The following SDHA variants were observed in gnomAD, a reference collection of about 807,000 sequenced individuals.
SDHA encodes the protein succinate dehydrogenase complex flavoprotein subunit A.
SDHA carries 48 observed loss-of-function variants against 78.4 expected under a neutral mutation model. The ratio of observed to expected loss-of-function variants is 0.61; its 90% CI spans 0.49 to 0.78. SDHA has a LOEUF of 0.78. SDHA is among the 30% of genes least tolerant of loss of function. The pLI is 0.00. For missense variants in SDHA, 680 were observed against 892.7 expected (o/e 0.76, Z 3.04); for synonymous variants, 326 against 353.9 (o/e 0.92, Z 0.88).
At chr5:267,043 A>T in the SDHA span, among the ~76,000 whole-genome samples, 1 of 152,212 alleles carries the variant, frequency 6.6e-6, no homozygotes, top group Non-Finnish European at 1.5e-5. Flanking sequence ...GCCAGCACTG[A>T]TGCAGACCTT....
intron 14 of SDHA, among the ~76,000 whole-genome samples, chr5:255,116 G>C (rs1439202430): frequency 2.3e-5 from 3 of 129,234 alleles, no homozygotes; most frequent in Admixed American, 1.6e-4. Context: ...AGCGTCCTGG[G>C]AACAGCCAGC....
At chr5:249,874 A>C (rs1736706056) in intron 11 of SDHA, 2 of 152,246 alleles carry the variant, frequency 1.3e-5, no homozygotes, top group African/African-American at 2.4e-5. Flanking sequence ...GAATAAACTG[A>C]AAAACTAACA....
chr5:240,476 G>A lies in SDHA; in HGVS notation c.1551G>A (p.Lys517=), dbSNP rs772822136. 1.9e-6 allele frequency: 3 copies of A among 1,590,428 alleles called. No individual in the cohort carries two copies. The highest frequency in any genetic ancestry group is 2.6e-6 in the Non-Finnish European group (3 of 1,160,488). The change falls in exon 11 of 15, where the codon AAG becomes AAA. Residue 517 remains lysine, a splice_region_variant and synonymous_variant. Coordinates refer to ENST00000264932, the MANE Select transcript of SDHA (RefSeq NM_004168.4). ...CGGAACTGCGACTCAGCATGCAGAA[G>A]GTAAGAGCCTGGACTCGCTCTGGAG... is the stretch of plus-strand genomic sequence containing the variant. The part of the protein sequence containing the change: ...RTSELRLSMQ[K]SMQNHAAVFR...
At chr5:232,489 G>A (rs1735473066) in intron 7 of SDHA, among the ~76,000 whole-genome samples, 1 of 152,144 alleles carries the variant, frequency 6.6e-6, no homozygotes, top group Admixed American at 6.5e-5. Context: ...TCAGGGTCCT[G>A]GGATTATAGC....
At chr5:261,006 T>A (rs1361101812), downstream of SDHA, among the ~76,000 whole-genome samples, 3 of 5,716 alleles carry the variant, frequency 5.2e-4, no homozygotes, top group Admixed American at 1.3e-3. Flanking sequence ...CCGCCTCCCG[T>A]CAGAGCATTA....
chr5:257,520 GT>G, downstream of SDHA, among the ~76,000 whole-genome samples: 2 of 40,820 alleles, frequency 4.9e-5, 1 homozygote, highest in Admixed American at 5.8e-4. Context: ...TCCGCCCCCT[GT>G]TGGAGCATTA....
At position 224,351 on chromosome 5, in the gene SDHA, C is replaced by T. The variant is rs1734881724; in HGVS notation, c.151-9C>T. 6.2e-7 allele frequency: 1 copy of T among 1,612,518 alleles called. No homozygotes were observed. Among genetic ancestry groups the T allele is most frequent in the African/African-American group, 1.3e-5 (1 of 74,884 alleles). On this transcript the variant is annotated splice_polypyrimidine_tract_variant and intron_variant, in intron 2 of 14. Transcript: ENST00000264932. The stretch of plus-strand genomic sequence containing the variant: ...ACATGTGATTGACAGGTGAATTTTT[C>T]TTTTCCAGATTTCTGCTCAGTATCC...
chr5:226,447 C>G (rs912106457), intron 5 of SDHA, among the ~76,000 whole-genome samples: 1 of 152,070 alleles, frequency 6.6e-6, no homozygotes, highest in Non-Finnish European at 1.5e-5. Flanking sequence ...GCCTGGACAA[C>G]ATAGCAAGAC....
At chr5:219,616 G>A (rs2126527729) in intron 1 of SDHA, among the ~76,000 whole-genome samples, 1 of 152,296 alleles carries the variant, frequency 6.6e-6, no homozygotes, top group Non-Finnish European at 1.5e-5. Context: ...GTGTTGCTGT[G>A]GTTGGTACTG....
chr5:226,149 C>G, intron 5 of SDHA, 102 bp downstream of exon 5: 6 of 1,338,898 alleles, frequency 4.5e-6, no homozygotes, highest in Non-Finnish European at 6.3e-6. Context: ...CCAGAGATTA[C>G]GTAAAAAGCA....
At chr5:246,817 G>A (rs1349369419) in intron 11 of SDHA, among the ~76,000 whole-genome samples, 1 of 152,198 alleles carries the variant, frequency 6.6e-6, no homozygotes, top group African/African-American at 2.4e-5. Context: ...GGATCAAATT[G>A]CTACTATGAT....
chr5:258,805 A>C (rs1342189492), downstream of SDHA, among the ~76,000 whole-genome samples: 3 of 84,012 alleles, frequency 3.6e-5, no homozygotes, highest in African/African-American at 8.2e-5. Context: ...GCCTCCCGTC[A>C]CAGCATTACC....
At position 256,536 on chromosome 5, in the gene SDHA, A is replaced by C; in HGVS notation, c.*116A>C. 1.0e-6 allele frequency: 1 copy of C among 952,980 alleles called. No homozygotes were observed. Among genetic ancestry groups the C allele is most frequent in the South Asian group, 1.4e-5 (1 of 73,974 alleles). 59.0% of individuals were successfully genotyped at this position (952,980 alleles called of 1,614,324 possible). ...TTCTGCACTCTGGGGAAGAAGGAGT[A>C]CATTGAAGGGAGATTGGCACCTAGT... is the stretch of plus-strand genomic sequence containing the variant. On this transcript the variant is annotated 3_prime_UTR_variant, in exon 15 of 15. Transcript: ENST00000264932.
intron 11 of SDHA, among the ~76,000 whole-genome samples, chr5:240,853 C>T (rs1396153655): frequency 1.3e-5 from 2 of 152,090 alleles, no homozygotes; most frequent in African/African-American, 4.8e-5. Flanking sequence ...GACATGATTG[C>T]GTTCTTTTTT....
intron 11 of SDHA, among the ~76,000 whole-genome samples, chr5:242,704 G>A (rs919435301): frequency 6.6e-6 from 1 of 152,178 alleles, no homozygotes; most frequent in Non-Finnish European, 1.5e-5. Context: ...TCACCGGAGC[G>A]ATGGAGAACA....
At chr5:225,784 G>A in intron 4 of SDHA, 99 bp from the exon 5 acceptor site, 2 of 1,504,948 alleles carry the variant, frequency 1.3e-6, no homozygotes, top group South Asian at 1.1e-5. Context: ...GTTACTTTGG[G>A]TTTGCAGATT....
chr5:252,906 GTCACCATT>G (rs1219660069), intron 13 of SDHA: 2 of 152,668 alleles, frequency 1.3e-5, no homozygotes, highest in Non-Finnish European at 2.9e-5. Flanking sequence ...TAATGAGTAA[GTCACCATT>G]TCAGACCTGC....
intron 1 of SDHA, among the ~76,000 whole-genome samples, chr5:222,350 C>CTTTT (rs750198454): frequency 7.4e-6 from 1 of 135,422 alleles, no homozygotes; most frequent in Non-Finnish European, 1.6e-5. Context: ...TTTTTCTTTT[C>CTTTT]TTTTTTTTTT....
the SDHA span, among the ~76,000 whole-genome samples, chr5:266,141 A>C: frequency 6.6e-6 from 1 of 152,272 alleles, no homozygotes; most frequent in Non-Finnish European, 1.5e-5. Context: ...CACAGCTGAC[A>C]TGTAATGGGA....
Sources: gnomAD v4.1 joint callset for allele counts (sites outside exome capture counted in the v4.1 genomes callset) on GRCh38, gnomAD v4.1.1 for gene constraint, MANE v1.5 for transcripts, NCBI Gene and HGNC (gene_info 2026-07-23, HGNC 2026-07-21) for gene names.